Variants in FGF12 observed in about 807,000 individuals in gnomAD.
FGF12 encodes the protein fibroblast growth factor 12B.
FGF12 carries 14 observed loss-of-function variants against 23.6 expected under a neutral mutation model. The ratio of observed to expected loss-of-function variants is 0.59; its 90% CI spans 0.39 to 0.93. FGF12 has a LOEUF of 0.93. FGF12 is among the 40% of genes least tolerant of loss of function. The pLI is 0.00. For synonymous variants in FGF12, 62 were observed against 77.3 expected (o/e 0.80, Z 1.04); for missense variants, 175 against 217.8 (o/e 0.80, Z 1.24).
At chr3:192,378,879 T>C (rs7618266) in intron 2 of FGF12, among the ~76,000 whole-genome samples, 7,883 of 152,120 alleles carry the variant, frequency 0.052, 699 homozygotes, top group African/African-American at 0.18. Flanking sequence ...TAGTACCCAA[T>C]AGTTATTTTT....
chr3:192,602,694 C>T (rs1714162302), intron 2 of FGF12, among the ~76,000 whole-genome samples: 1 of 149,232 alleles, frequency 6.7e-6, no homozygotes. Context: ...GTATCTGGCA[C>T]TTCTAATTAA....
At chr3:192,468,981 CT>C (rs1723086466) in intron 2 of FGF12, among the ~76,000 whole-genome samples, 1 of 152,142 alleles carries the variant, frequency 6.6e-6, no homozygotes, top group South Asian at 2.1e-4. Flanking sequence ...ACGGCTATTT[CT>C]TTTATCCCGT....
intron 2 of FGF12, among the ~76,000 whole-genome samples, chr3:192,483,181 A>T (rs1723528284): frequency 1.3e-5 from 2 of 151,848 alleles, no homozygotes; most frequent in African/African-American, 4.8e-5. Context: ...CTTGAAGAAT[A>T]CTCCTTCTCT....
At chr3:192,335,253 TA>T in intron 4 of FGF12, 107 bp downstream of exon 4, 1 of 721,366 alleles carries the variant, frequency 1.4e-6, no homozygotes, top group Non-Finnish European at 2.4e-6. Context: ...TCACAAAATA[TA>T]AAATGACTTC....
chr3:192,508,753 G>A (rs938210986), intron 2 of FGF12, among the ~76,000 whole-genome samples: 2 of 152,072 alleles, frequency 1.3e-5, no homozygotes, highest in Non-Finnish European at 2.9e-5. Context: ...AATATACAGA[G>A]ATACTACTCA....
intron 2 of FGF12, among the ~76,000 whole-genome samples, chr3:192,624,155 G>C (rs1353599534): frequency 1.3e-5 from 2 of 151,370 alleles, no homozygotes; most frequent in Non-Finnish European, 2.9e-5. Flanking sequence ...AATATACATA[G>C]GGCATACAAC....
intron 3 of FGF12, among the ~76,000 whole-genome samples, chr3:192,343,124 G>A (rs557946301): frequency 4.1e-4 from 62 of 152,212 alleles, no homozygotes; most frequent in Admixed American, 5.2e-4. Context: ...TGCTTGTAAC[G>A]AAGAAAGGTA....
intron 2 of FGF12, among the ~76,000 whole-genome samples, chr3:192,574,306 G>A (rs1453781795): frequency 6.6e-6 from 1 of 152,188 alleles, no homozygotes; most frequent in Non-Finnish European, 1.5e-5. Context: ...TGTAAAGCCT[G>A]CTATATAATG....
At chr3:192,664,594 C>CAAAATAA (rs1716787847) in intron 2 of FGF12, among the ~76,000 whole-genome samples, 1 of 97,078 alleles carries the variant, frequency 1.0e-5, no homozygotes, top group Non-Finnish European at 2.0e-5. Context: ...ACTAAAAATA[C>CAAAATAA]AAAAAAAATA....
intron 5 of FGF12, among the ~76,000 whole-genome samples, chr3:192,168,801 C>T (rs1424722965): frequency 6.6e-6 from 1 of 152,098 alleles, no homozygotes; most frequent in African/African-American, 2.4e-5. Context: ...AGTGAGCTAA[C>T]CATGAATAAG....
intron 2 of FGF12, among the ~76,000 whole-genome samples, chr3:192,462,003 A>AC (rs1325481997): frequency 6.6e-6 from 1 of 152,166 alleles, no homozygotes; most frequent in African/African-American, 2.4e-5. Flanking sequence ...GAAAAAAAAA[A>AC]ACACACATTA....
chr3:192,501,900 T>C (rs1577022087), intron 2 of FGF12, among the ~76,000 whole-genome samples: 1 of 152,346 alleles, frequency 6.6e-6, no homozygotes, highest in Non-Finnish European at 1.5e-5. Context: ...GCACATGACA[T>C]GGGTCTTAGT....
intron 2 of FGF12, among the ~76,000 whole-genome samples, chr3:192,705,388 ACAGT>A (rs1718434942): frequency 1.3e-5 from 2 of 152,342 alleles, no homozygotes; most frequent in East Asian, 1.9e-4. Flanking sequence ...TGGGGAACAG[ACAGT>A]CAGTCAGAAC....
chr3:192,256,188 T>C (rs1712375301), intron 4 of FGF12, among the ~76,000 whole-genome samples: 1 of 152,076 alleles, frequency 6.6e-6, no homozygotes, highest in Admixed American at 6.6e-5. Context: ...AAATTAGTCA[T>C]TTACTTTGAT....
At chr3:192,202,980 TGC>T in intron 4 of FGF12, among the ~76,000 whole-genome samples, 2 of 152,230 alleles carry the variant, frequency 1.3e-5, no homozygotes, top group Admixed American at 6.5e-5. Context: ...TGCTAAACAG[TGC>T]TTGATGGTAA....
At chr3:192,314,893 C>A (rs1422176802) in intron 4 of FGF12, among the ~76,000 whole-genome samples, 4 of 152,176 alleles carry the variant, frequency 2.6e-5, no homozygotes, top group African/African-American at 9.7e-5. Flanking sequence ...TTGCCAAAAT[C>A]TGAATCCAGG....
At chr3:192,144,248 A>C in intron 5 of FGF12, 121 bp from the exon 6 acceptor site, 1 of 617,470 alleles carries the variant, frequency 1.6e-6, no homozygotes, top group Middle Eastern at 4.3e-4. Flanking sequence ...TCTCATTATA[A>C]AAAAACAGTT....
chr3:192,604,351 A>G (rs1222351336), intron 2 of FGF12, among the ~76,000 whole-genome samples: 1 of 152,216 alleles, frequency 6.6e-6, no homozygotes, highest in Non-Finnish European at 1.5e-5. Flanking sequence ...AGATTAAAGT[A>G]AAGATAGGCA....
At chr3:192,343,663 G>A (rs902767639) in intron 3 of FGF12, among the ~76,000 whole-genome samples, 2 of 151,996 alleles carry the variant, frequency 1.3e-5, no homozygotes, top group African/African-American at 4.8e-5. Context: ...ATAAATTATG[G>A]TACAATGGAA....
Sources: allele counts gnomAD v4.1 joint callset (sites outside exome capture counted in the v4.1 genomes callset), GRCh38; gene constraint gnomAD v4.1.1; transcripts MANE v1.5; gene names NCBI Gene and HGNC (gene_info 2026-07-23, HGNC 2026-07-21).